Variants in NCOA2 observed in about 807,000 individuals in gnomAD.
NCOA2 encodes nuclear receptor coactivator 2, also known as class E basic helix-loop-helix protein 75.
NCOA2 carries 21 observed loss-of-function variants against 145.1 expected under a neutral mutation model. The ratio of observed to expected loss-of-function variants is 0.14; its 90% CI spans 0.10 to 0.21. The LOEUF (loss-of-function observed/expected upper bound fraction) is 0.21, where lower values mean the gene tolerates loss of function less well. NCOA2 is among the 10% of genes least tolerant of loss of function. NCOA2 has a pLI of 1.00. For missense variants in NCOA2, 1,472 were observed against 1,837.6 expected, an observed-to-expected ratio of 0.80 and a Z score of 3.64; for synonymous variants, 619 against 637.5, an observed-to-expected ratio of 0.97 and a Z score of 0.44.
intron 1 of NCOA2, among the ~76,000 whole-genome samples, chr8:70,372,007 A>C (rs1811267755): frequency 6.6e-6 from 1 of 152,194 alleles, no homozygotes; most frequent in African/African-American, 2.4e-5. Flanking sequence ...TTACCTCTAA[A>C]GTATTAGGGA....
In NCOA2 at chr8:70,156,485, T is replaced by C. The variant is rs767299077; in HGVS notation, c.1880A>G (p.Asp627Gly). 5.0e-6 allele frequency: 8 copies of C among 1,613,926 alleles called. No individual in the cohort carries two copies. In the Admixed American group the frequency reaches 1.3e-4, roughly 27 times the overall value. ...LPPAVSSERA[D>G]GQSRLHDSKG... Reference sequence around the variant, plus strand: ...GCTGTCATGCAGTCTGCTCTGCCCGTCAGCTCTCTCACTGCTCACGGCCGG... The same window carrying C: ...GCTGTCATGCAGTCTGCTCTGCCCGCCAGCTCTCTCACTGCTCACGGCCGG... The change falls in exon 11 of 23, where the codon GAC (aspartate) becomes GGC (glycine). Residue 627 changes from aspartate (D) to glycine (G), a missense_variant. This residue lies in a region of NCOA2 where 953 missense variants were observed against 1,062.1 expected (regional missense o/e 0.90). Coordinates refer to ENST00000452400, the MANE Select transcript of NCOA2 (RefSeq NM_006540.4).
At chr8:70,128,279 A>C (rs745520707) in intron 18 of NCOA2, among the ~76,000 whole-genome samples, 154 bp downstream of exon 18, 26 of 152,236 alleles carry the variant, frequency 1.7e-4, no homozygotes, top group Admixed American at 1.2e-3. Flanking sequence ...AGAAGGGAAA[A>C]ATATAACACA....
intron 11 of NCOA2, 93 bp downstream of exon 11, chr8:70,155,878 A>G (rs764542099): frequency 2.1e-5 from 21 of 996,056 alleles, no homozygotes; most frequent in Non-Finnish European, 3.0e-5. Flanking sequence ...GCTTATTTTT[A>G]TCCAATCACC....
At chr8:70,270,577 G>T (rs1366404951) in intron 2 of NCOA2, among the ~76,000 whole-genome samples, 1 of 151,962 alleles carries the variant, frequency 6.6e-6, no homozygotes, top group Non-Finnish European at 1.5e-5. Flanking sequence ...CGGGGGTGGG[G>T]GGATAGCAGG....
At chr8:70,286,345 C>G (rs770708340) in intron 2 of NCOA2, among the ~76,000 whole-genome samples, 2 of 152,178 alleles carry the variant, frequency 1.3e-5, no homozygotes, top group Non-Finnish European at 2.9e-5. Flanking sequence ...TGTGCCACTG[C>G]ACTCCAGTCT....
At chr8:70,133,629 A>G (rs1250216784) in intron 15 of NCOA2, among the ~76,000 whole-genome samples, 3 of 152,240 alleles carry the variant, frequency 2.0e-5, no homozygotes, top group Non-Finnish European at 4.4e-5. Context: ...GAGTCACTAC[A>G]TGATGTTTTG....
chr8:70,287,596 G>A (rs1826328245), intron 2 of NCOA2, among the ~76,000 whole-genome samples: 1 of 152,178 alleles, frequency 6.6e-6, no homozygotes, highest in South Asian at 2.1e-4. Context: ...AAATAACCAT[G>A]TTAATAGAAA....
intron 2 of NCOA2, among the ~76,000 whole-genome samples, chr8:70,229,537 C>T (rs954027709): frequency 6.6e-6 from 1 of 152,122 alleles, no homozygotes; most frequent in Non-Finnish European, 1.5e-5. Context: ...AAGAGTGAGA[C>T]AATGCTAGAG....
chr8:70,170,476 C>T (rs2132635818), intron 5 of NCOA2, 97 bp from the exon 6 acceptor site: 1 of 1,065,802 alleles, frequency 9.4e-7, no homozygotes, highest in East Asian at 2.9e-5. Context: ...AAACACAATT[C>T]ACACACAGAT....
At chr8:70,207,256 C>A (rs1006876143) in intron 4 of NCOA2, among the ~76,000 whole-genome samples, 2 of 152,102 alleles carry the variant, frequency 1.3e-5, no homozygotes, top group Non-Finnish European at 2.9e-5. Context: ...ATCAAGAAAA[C>A]AAGGGATGTC....
chr8:70,252,481 C>T (rs1014559796), intron 2 of NCOA2, among the ~76,000 whole-genome samples: 2 of 152,166 alleles, frequency 1.3e-5, no homozygotes, highest in African/African-American at 4.8e-5. Flanking sequence ...ATGCTCTGAC[C>T]ATGATGGCTT....
intron 2 of NCOA2, among the ~76,000 whole-genome samples, chr8:70,277,988 ACCACAATCAATT>A (rs1347327044): frequency 6.6e-6 from 1 of 152,218 alleles, no homozygotes; most frequent in Non-Finnish European, 1.5e-5. Flanking sequence ...TGCAACCAAT[ACCACAATCAATT>A]TTAGAACATT....
chr8:70,331,196 G>A (rs1023162919), intron 1 of NCOA2, among the ~76,000 whole-genome samples: 8 of 152,026 alleles, frequency 5.3e-5, no homozygotes, highest in African/African-American at 1.9e-4. Context: ...TAATGATCAG[G>A]AGTAAAACTG....
chr8:70,237,137 G>A (rs534169276), intron 2 of NCOA2, among the ~76,000 whole-genome samples: 2 of 152,290 alleles, frequency 1.3e-5, no homozygotes, highest in Admixed American at 6.5e-5. Context: ...AGGTAGCATC[G>A]TTGAATATTT....
chr8:70,168,745 T>C (rs1813906953), intron 6 of NCOA2, among the ~76,000 whole-genome samples: 1 of 152,222 alleles, frequency 6.6e-6, no homozygotes, highest in Admixed American at 6.5e-5. Context: ...CAATATAAAG[T>C]AAGGCAAAGA....
At chr8:70,127,109 G>A in intron 18 of NCOA2, 62 bp from the exon 19 acceptor site, 1 of 1,228,488 alleles carries the variant, frequency 8.1e-7, no homozygotes, top group Non-Finnish European at 1.2e-6. Context: ...AAAAAACAAA[G>A]TGAGTATTAT....
chr8:70,269,114 T>C (rs1244325975), intron 2 of NCOA2, among the ~76,000 whole-genome samples: 2 of 152,238 alleles, frequency 1.3e-5, no homozygotes, highest in African/African-American at 4.8e-5. Context: ...ATCAAAAATG[T>C]AATTTTTTAA....
At chr8:70,393,975 A>C (rs2131663850) in intron 1 of NCOA2, among the ~76,000 whole-genome samples, 1 of 152,262 alleles carries the variant, frequency 6.6e-6, no homozygotes, top group South Asian at 2.1e-4. Flanking sequence ...TATTACATGT[A>C]ATAGCTTAGA....
chr8:70,210,789 T>C (rs1420334482), intron 4 of NCOA2, among the ~76,000 whole-genome samples: 2 of 152,158 alleles, frequency 1.3e-5, no homozygotes, highest in Non-Finnish European at 2.9e-5. Flanking sequence ...GCTTTCCTCA[T>C]TGTGTATTCT....
Sources: gnomAD v4.1 joint callset for allele counts (sites outside exome capture counted in the v4.1 genomes callset) on GRCh38, gnomAD v4.1.1 for gene constraint, gnomAD v4.1.1 regional missense constraint, MANE v1.5 for transcripts, NCBI Gene and HGNC (gene_info 2026-07-23, HGNC 2026-07-21) for gene names.